The following DOCK3 variants were observed in gnomAD, a reference collection of about 807,000 sequenced individuals.
DOCK3 encodes the protein dedicator of cytokinesis 3.
A neutral mutation model predicts 265.6 loss-of-function variants in DOCK3; 60 were observed. The ratio of observed to expected loss-of-function variants is 0.23; its 90% CI spans 0.18 to 0.28. The LOEUF (loss-of-function observed/expected upper bound fraction) is 0.28. Ranked by LOEUF, DOCK3 falls within the 10% of genes least tolerant of loss-of-function variation. The pLI, the probability that DOCK3 is intolerant of heterozygous loss-of-function variation, is 1.00. For synonymous variants in DOCK3, 881 were observed against 938.0 expected (o/e 0.94, Z 1.11); for missense variants, 1,981 against 2,594.3 (o/e 0.76, Z 5.14).
At chr3:51,010,459 T>C (rs1335338399) in intron 5 of DOCK3, among the ~76,000 whole-genome samples, 1 of 152,214 alleles carries the variant, frequency 6.6e-6, no homozygotes, top group Non-Finnish European at 1.5e-5. Flanking sequence ...TTTTTTTGCT[T>C]TCTGTTTTCT....
chr3:51,028,334 T>C (rs2079904587), intron 5 of DOCK3, among the ~76,000 whole-genome samples: 1 of 152,124 alleles, frequency 6.6e-6, no homozygotes, highest in Admixed American at 6.5e-5. Flanking sequence ...AATTTAGCCC[T>C]TTTTTCTAGC....
chr3:50,869,634 A>G (rs1181237746), intron 3 of DOCK3, among the ~76,000 whole-genome samples: 1 of 151,774 alleles, frequency 6.6e-6, no homozygotes, highest in Non-Finnish European at 1.5e-5. Flanking sequence ...GGCCTCCGAA[A>G]GTGCTGGGAT....
intron 4 of DOCK3, among the ~76,000 whole-genome samples, chr3:50,922,268 C>G (rs2050518869): frequency 6.6e-6 from 1 of 152,230 alleles, no homozygotes; most frequent in Admixed American, 6.5e-5. Context: ...GACGCCCCTC[C>G]CCTGGCCTCA....
chr3:50,845,849 TA>T (rs2046053700), intron 3 of DOCK3, among the ~76,000 whole-genome samples: 1 of 152,224 alleles, frequency 6.6e-6, no homozygotes, highest in African/African-American at 2.4e-5. Context: ...AAATTTTCTC[TA>T]AAAATACTAT....
At chr3:51,125,667 A>G (rs376241979) in intron 9 of DOCK3, among the ~76,000 whole-genome samples, 1 of 152,242 alleles carries the variant, frequency 6.6e-6, no homozygotes, top group Admixed American at 6.5e-5. Context: ...CCATAATCAC[A>G]ATAGGACAAA....
In DOCK3 at chr3:51,011,177, G is replaced by A. The variant is rs540354254; in HGVS notation, c.316-53271G>A. Among the ~76,000 whole-genome samples, 197 of 152,254 alleles carry A rather than the reference G, an allele frequency of 1.3e-3. 5 individuals carry two copies. The South Asian group carries it at 0.04, about 31-fold the overall frequency. Reference sequence around the variant, plus strand: ...TTTGAATGTTGGCGTGTCTTGCTAGGTTGGGGAAGTTCTCCTGGATAATAT... The same window carrying A: ...TTTGAATGTTGGCGTGTCTTGCTAGATTGGGGAAGTTCTCCTGGATAATAT... On this transcript the variant is annotated intron_variant, in intron 5 of 52. Coordinates refer to ENST00000266037, the MANE Select transcript of DOCK3 (RefSeq NM_004947.5).
chr3:50,712,069 G>A (rs1290958248), intron 1 of DOCK3, among the ~76,000 whole-genome samples: 2 of 151,876 alleles, frequency 1.3e-5, no homozygotes, highest in African/African-American at 2.4e-5. Context: ...AAAAATCTTG[G>A]TCAATCCAAC....
intron 9 of DOCK3, among the ~76,000 whole-genome samples, chr3:51,115,279 T>G (rs2083686544): frequency 6.6e-6 from 1 of 152,222 alleles, no homozygotes; most frequent in Non-Finnish European, 1.5e-5. Flanking sequence ...AAAGCGTCCC[T>G]ATCTTTCCAC....
At chr3:51,284,649 G>C (rs1219682973) in intron 27 of DOCK3, among the ~76,000 whole-genome samples, 1 of 152,108 alleles carries the variant, frequency 6.6e-6, no homozygotes, top group Non-Finnish European at 1.5e-5. Flanking sequence ...TATTGAACTT[G>C]TTTCAGGGAG....
intron 3 of DOCK3, among the ~76,000 whole-genome samples, chr3:50,857,849 C>T (rs1012362607): frequency 2.0e-5 from 3 of 152,292 alleles, no homozygotes; most frequent in Non-Finnish European, 4.4e-5. Flanking sequence ...ACTAGTTCAA[C>T]CATTGTGGAA....
chr3:50,937,768 G>A (rs567556547), intron 5 of DOCK3, among the ~76,000 whole-genome samples: 3 of 152,106 alleles, frequency 2.0e-5, no homozygotes, highest in East Asian at 3.9e-4. Flanking sequence ...ATAATAAAAA[G>A]TACTGTAAAA....
At chr3:50,913,017 G>T (rs1246753278) in intron 4 of DOCK3, among the ~76,000 whole-genome samples, 1 of 152,038 alleles carries the variant, frequency 6.6e-6, no homozygotes, top group African/African-American at 2.4e-5. Context: ...TTCTCAAGCG[G>T]AAGTCTTGCC....
Position 50,686,192 on chromosome 3 carries a change from G to A in DOCK3, c.37+10892G>A, listed in dbSNP as rs532295051. ...ATGGTCCCATCTGGGGGTGACGGAA[G>A]GCAGTGACACCAGAAGTGTGTTGCT... On this transcript the variant is annotated intron_variant, in intron 1 of 52. Coordinates refer to ENST00000266037, the MANE Select transcript of DOCK3 (RefSeq NM_004947.5). Among the ~76,000 whole-genome samples the A allele has an allele frequency of 1.8e-3, 269 of 152,106 alleles. 3 individuals carry two copies. Among genetic ancestry groups the A allele is most frequent in the African/African-American group, 6.3e-3 (262 of 41,486 alleles).
intron 5 of DOCK3, among the ~76,000 whole-genome samples, chr3:50,944,167 GA>G (rs1249992527): frequency 1.3e-5 from 2 of 152,116 alleles, no homozygotes; most frequent in African/African-American, 4.8e-5. Context: ...GGGATGTTTG[GA>G]AAAGAGTGTA....
chr3:51,280,037 C>G (rs1250142396), intron 26 of DOCK3, 69 bp from the exon 27 acceptor site: 2 of 1,305,494 alleles, frequency 1.5e-6, no homozygotes, highest in African/African-American at 1.5e-5. Flanking sequence ...TCTCCTTGCC[C>G]TCTATGGATT....
intron 5 of DOCK3, among the ~76,000 whole-genome samples, chr3:50,953,195 A>G (rs555250079): frequency 6.6e-6 from 1 of 152,294 alleles, no homozygotes; most frequent in African/African-American, 2.4e-5. Flanking sequence ...GAAAAGAAAA[A>G]GACCCCAGTC....
intron 1 of DOCK3, among the ~76,000 whole-genome samples, chr3:50,730,215 C>T (rs1054096817): frequency 3.9e-5 from 6 of 152,110 alleles, no homozygotes; most frequent in African/African-American, 1.4e-4. Flanking sequence ...GATCTCAGCT[C>T]ACTGCAACCT....
chr3:50,999,695 A>T (rs1366921994), intron 5 of DOCK3, among the ~76,000 whole-genome samples: 1 of 152,162 alleles, frequency 6.6e-6, no homozygotes, highest in Non-Finnish European at 1.5e-5. Context: ...TGTGCAAAAA[A>T]AAGGCTTAGA....
intron 3 of DOCK3, chr3:50,863,509 G>A: frequency 2.0e-6 from 1 of 500,122 alleles, no homozygotes; most frequent in Non-Finnish European, 4.0e-6. Context: ...CTTTCCATGA[G>A]ACTCCAGTTT....
Sources: gnomAD v4.1 joint callset for allele counts (sites outside exome capture counted in the v4.1 genomes callset) on GRCh38, gnomAD v4.1.1 for gene constraint, MANE v1.5 for transcripts, NCBI Gene and HGNC (gene_info 2026-07-23, HGNC 2026-07-21) for gene names.